The following HECW1 variants were observed in gnomAD, a reference collection of about 807,000 sequenced individuals.
The protein encoded by HECW1 is E3 ubiquitin-protein ligase HECW1.
A neutral mutation model predicts 182.3 loss-of-function variants in HECW1; 61 were observed. The observed-to-expected ratio is 0.33, with a 90% CI of 0.27 to 0.41. The LOEUF is 0.41. HECW1 is among the 10% of genes least tolerant of loss of function. The pLI, the probability that HECW1 is intolerant of heterozygous loss-of-function variation, is 1.00. For synonymous variants in HECW1, 859 were observed against 832.6 expected (o/e 1.03, Z -0.55); for missense variants, 1,739 against 2,108.9 (o/e 0.82, Z 3.44).
chr7:43,193,438 A>T lies in HECW1; in HGVS notation c.-31-50437A>T, dbSNP rs547697207. On this transcript the variant is annotated intron_variant, in intron 2 of 29. Coordinates refer to ENST00000395891, the MANE Select transcript of HECW1 (RefSeq NM_015052.5). Reference sequence around the variant, plus strand: ...GCTCTGTCGCCCAGGCTGGAGTGCAATGGTGCAATCTTGGCTCACTGCACC... The same window carrying T: ...GCTCTGTCGCCCAGGCTGGAGTGCATTGGTGCAATCTTGGCTCACTGCACC... 1.3e-3 allele frequency among the ~76,000 whole-genome samples: 201 copies of T among 152,032 alleles called. 2 individuals are homozygous for T. Among genetic ancestry groups the T allele is most frequent in the Non-Finnish European group, 2.5e-3 (170 of 67,978 alleles).
At chr7:43,501,105 C>T in intron 20 of HECW1, 108 bp from the exon 21 acceptor site, 1 of 636,906 alleles carries the variant, frequency 1.6e-6, no homozygotes, top group Non-Finnish European at 2.7e-6. Context: ...GCTTTTGTTG[C>T]TTTGTGAGAA....
rs565595690 is a variant in HECW1 at position 43,188,105 on chromosome 7, A to G, written c.-31-55770A>G. On this transcript the variant is annotated intron_variant, in intron 2 of 29. Transcript: ENST00000395891. ...GAGGGATGTTCTCTGGGCACAGGGC[A>G]GAATGTGGTTCCAGACTGAGGATGT... Among the ~76,000 whole-genome samples, 8 of 152,342 alleles carry G rather than the reference A, an allele frequency of 5.3e-5. No homozygotes were observed. In the East Asian group the frequency reaches 1.5e-3, roughly 29 times the overall value.
chr7:43,310,341 G>A (rs1388269963), intron 3 of HECW1, among the ~76,000 whole-genome samples: 2 of 152,192 alleles, frequency 1.3e-5, no homozygotes, highest in Non-Finnish European at 2.9e-5. Flanking sequence ...TTCCTGAGAG[G>A]AGGGATGGTT....
At chr7:43,383,033 T>C (rs935665878) in intron 6 of HECW1, among the ~76,000 whole-genome samples, 7 of 152,180 alleles carry the variant, frequency 4.6e-5, no homozygotes, top group South Asian at 2.1e-4. Flanking sequence ...CATGTGGTGT[T>C]TGGTTTTCTG....
chr7:43,320,579 A>G lies in HECW1; in HGVS notation c.353-56A>G, dbSNP rs994354788. ...CCTTTGCTTTTCTTTTATTCCCCTA[A>G]ATATGCTGTTGACTGATATGTTTCT... On this transcript the variant is annotated intron_variant, in intron 4 of 29. Transcript: ENST00000395891. 1.4e-4 allele frequency: 173 copies of G among 1,211,134 alleles called. 2 individuals are homozygous for G. The highest frequency in any genetic ancestry group is 1.1e-3 in the South Asian group (90 of 81,380). The allele number at this position is 1,211,134 out of a possible 1,614,324, so 75.0% of individuals were successfully genotyped here.
chr7:43,486,934 A>T (rs960495403), intron 17 of HECW1, among the ~76,000 whole-genome samples: 1 of 152,252 alleles, frequency 6.6e-6, no homozygotes, highest in East Asian at 1.9e-4. Context: ...AATCACATGG[A>T]TCTACCATCA....
chr7:43,277,851 A>G (rs775669298), intron 3 of HECW1, among the ~76,000 whole-genome samples: 5 of 152,122 alleles, frequency 3.3e-5, no homozygotes, highest in Non-Finnish European at 5.9e-5. Flanking sequence ...TCTGTGCTGG[A>G]CACGGTTGAC....
chr7:43,221,390 TAA>T (rs1302542293), intron 2 of HECW1, among the ~76,000 whole-genome samples: 7 of 152,050 alleles, frequency 4.6e-5, no homozygotes, highest in Non-Finnish European at 1.0e-4. Context: ...TCAGAGAAGA[TAA>T]TTGAAATGAA....
chr7:43,418,035 T>C (rs2076069842), intron 8 of HECW1, among the ~76,000 whole-genome samples: 2 of 152,186 alleles, frequency 1.3e-5, no homozygotes, highest in South Asian at 4.1e-4. Flanking sequence ...AGCTGTTCCA[T>C]GCCTCTCTCC....
chr7:43,184,456 C>G (rs1793178759), intron 2 of HECW1, among the ~76,000 whole-genome samples: 1 of 152,118 alleles, frequency 6.6e-6, no homozygotes, highest in Non-Finnish European at 1.5e-5. Context: ...ATCCCAATTT[C>G]CTGAGGTAGA....
rs1332775655 is a variant in HECW1, at chr7:43,548,241, TAAC to T, written c.4249-2203_4249-2201del. 3.7e-5 allele frequency among the ~76,000 whole-genome samples: 5 copies of T among 134,592 alleles called. No individual in the cohort carries two copies. The East Asian group carries it at 1.1e-3, about 30-fold the overall frequency. The allele number at this position is 134,592 out of a possible 152,430, so 88.3% of individuals were successfully genotyped here. ...ATATTTTATGGACTCATTACATTTC[TAAC>T]TTTTTTTTTCATTTTAAAAAAGCTT... On this transcript the variant is annotated intron_variant, in intron 26 of 29. Coordinates refer to ENST00000395891, the MANE Select transcript of HECW1 (RefSeq NM_015052.5).
intron 2 of HECW1, among the ~76,000 whole-genome samples, chr7:43,185,156 G>C (rs111657198): frequency 2.6e-5 from 4 of 152,108 alleles, no homozygotes; most frequent in Non-Finnish European, 4.4e-5. Context: ...GGGATGGTGG[G>C]GGGGAAGGGG....
intron 2 of HECW1, among the ~76,000 whole-genome samples, chr7:43,192,964 C>T (rs994575853): frequency 6.6e-6 from 1 of 152,158 alleles, no homozygotes; most frequent in African/African-American, 2.4e-5. Flanking sequence ...CCAAGGGCTG[C>T]TGGCTGGCTG....
At chr7:43,546,280 G>T (rs1253412278) in intron 26 of HECW1, among the ~76,000 whole-genome samples, 1 of 130,396 alleles carries the variant, frequency 7.7e-6, no homozygotes, top group African/African-American at 2.8e-5. Context: ...TCCTTGATTG[G>T]CTCTGTCATA....
chr7:43,237,140 A>AGGAAGTAG (rs1554321392), intron 2 of HECW1, among the ~76,000 whole-genome samples: 2 of 133,970 alleles, frequency 1.5e-5, no homozygotes, highest in East Asian at 5.0e-4. Context: ...GAAGGAAGGA[A>AGGAAGTAG]GTAGGTAGGT....
At chr7:43,113,610 G>A (rs1315472537) in intron 1 of HECW1, 2 of 180,388 alleles carry the variant, frequency 1.1e-5, no homozygotes, top group African/African-American at 4.7e-5. Context: ...AGCGGGAGCA[G>A]TCATGTCGCC....
intron 8 of HECW1, 47 bp downstream of exon 8, chr7:43,407,778 GCTGA>G (rs1481659948): frequency 6.5e-6 from 10 of 1,545,692 alleles, no homozygotes; most frequent in African/African-American, 1.4e-5. Flanking sequence ...AAGTGAAAGG[GCTGA>G]CTGTGAACCA....
intron 5 of HECW1, among the ~76,000 whole-genome samples, chr7:43,331,638 T>C (rs962260116): frequency 1.3e-5 from 2 of 151,516 alleles, no homozygotes; most frequent in African/African-American, 4.8e-5. Flanking sequence ...GTTTATAGAC[T>C]GAGTGGAATA....
chr7:43,254,378 C>A (rs1485369816), intron 3 of HECW1, among the ~76,000 whole-genome samples: 1 of 152,018 alleles, frequency 6.6e-6, no homozygotes, highest in African/African-American at 2.4e-5. Flanking sequence ...TATATTGTAG[C>A]ACTTGTATTT....
Sources: gnomAD v4.1 joint callset for allele counts (sites outside exome capture counted in the v4.1 genomes callset) on GRCh38, gnomAD v4.1.1 for gene constraint, MANE v1.5 for transcripts, NCBI Gene and HGNC (gene_info 2026-07-23, HGNC 2026-07-21) for gene names.